Variants in RAB3GAP2 observed in about 807,000 individuals in gnomAD.
RAB3GAP2 encodes the protein RAB3 GTPase activating non-catalytic protein subunit 2, also known as rab3 GTPase-activating protein non-catalytic subunit.
In RAB3GAP2, 87 loss-of-function variants were observed where a neutral mutation model predicts 185.3. The observed-to-expected ratio is 0.47, with a 90% CI of 0.39 to 0.56. The LOEUF is 0.56. Among genes scored for constraint, RAB3GAP2 ranks in the 20% least tolerant of loss-of-function variants. The probability of loss-of-function intolerance (pLI) is 0.00; values close to 1 mark genes in which losing one functional copy is unlikely to be tolerated. For missense variants in RAB3GAP2, 1,492 were observed against 1,638.2 expected, an observed-to-expected ratio of 0.91 and a Z score of 1.54; for synonymous variants, 554 against 576.1, an observed-to-expected ratio of 0.96 and a Z score of 0.55.
intron 2 of RAB3GAP2, among the ~76,000 whole-genome samples, chr1:220,231,578 AT>A (rs532263050): frequency 4.3e-4 from 65 of 152,274 alleles, no homozygotes; most frequent in African/African-American, 1.5e-3. Flanking sequence ...CCGTGTGGCC[AT>A]GGGCCTCAGG....
chr1:220,182,370 C>T lies in RAB3GAP2; in HGVS notation c.2213-16G>A, dbSNP rs1295831221. The T allele has an allele frequency of 6.2e-7, 1 of 1,613,714 alleles. No homozygotes were observed. Among genetic ancestry groups the T allele is most frequent in the Non-Finnish European group, 8.5e-7 (1 of 1,179,822 alleles). ...AAGAAACTACCTGGTAGAAGAAAAA[C>T]AAAGCACATTAATCAATGACTACTT... On this transcript the variant is annotated splice_polypyrimidine_tract_variant and intron_variant, in intron 20 of 34. Transcript: ENST00000358951.
At chr1:220,254,822 C>G (rs1660005477) in intron 1 of RAB3GAP2, among the ~76,000 whole-genome samples, 1 of 151,418 alleles carries the variant, frequency 6.6e-6, no homozygotes, top group African/African-American at 2.4e-5. Flanking sequence ...CTTTTGAATG[C>G]TGGTGGTTCT....
chr1:220,188,559 G>A (rs1300018817), intron 17 of RAB3GAP2, among the ~76,000 whole-genome samples: 1 of 152,164 alleles, frequency 6.6e-6, no homozygotes, highest in Non-Finnish European at 1.5e-5. Flanking sequence ...ATGGAATATT[G>A]AGGCTGTGGA....
At position 220,158,223 on chromosome 1, in the gene RAB3GAP2, T is replaced by C. The variant is rs1657895491; in HGVS notation, c.3262-347A>G. 6.6e-6 allele frequency among the ~76,000 whole-genome samples: 1 copy of C among 152,170 alleles called. No homozygotes were observed. The highest frequency in any genetic ancestry group is 1.5e-5 in the Non-Finnish European group (1 of 68,036). ...GCATCTGGTAGCCAAATAATCGTGG[T>C]AGATGGAAGATACACACATGAGAAT... On this transcript the variant is annotated intron_variant, in intron 29 of 34. Transcript: ENST00000358951. The surrounding 1 kb of genome is among the most constrained non-coding windows in gnomAD (Gnocchi z 4.3).
intron 24 of RAB3GAP2, among the ~76,000 whole-genome samples, chr1:220,169,614 C>T (rs1658137831): frequency 6.6e-6 from 1 of 152,026 alleles, no homozygotes; most frequent in Admixed American, 6.6e-5. Flanking sequence ...ATCTAGGAAG[C>T]AAATGAGAAA....
chr1:220,210,999 T>G lies in RAB3GAP2; in HGVS notation c.390A>C (p.Glu130Asp), dbSNP rs1294275687. 2 of 1,613,236 alleles carry G rather than the reference T, an allele frequency of 1.2e-6. No individual in the cohort carries two copies. Among genetic ancestry groups the G allele is most frequent in the Non-Finnish European group, 1.7e-6 (2 of 1,179,810 alleles). ...GGATACATAGAGCACTGGTTACACA[T>G]TCCCTAAAAACAAAAACAAAATCAT... Reference protein sequence around the residue: ...WSGSLNVEEGECVTSALCIPL... With the variant: ...WSGSLNVEEGDCVTSALCIPL... Residue 130 changes from glutamate to aspartate, a missense_variant, in exon 5 of 35, where the codon GAA (glutamate) becomes GAC (aspartate). This residue lies in a region of RAB3GAP2 where 177 missense variants were observed against 160.6 expected (regional missense o/e 1.10). Transcript: ENST00000358951.
At chr1:220,260,062 T>C (rs1463307313) in intron 1 of RAB3GAP2, among the ~76,000 whole-genome samples, 2 of 152,210 alleles carry the variant, frequency 1.3e-5, no homozygotes, top group Non-Finnish European at 2.9e-5. Context: ...CCAGTCAGAA[T>C]GACTATTGTT....
At chr1:220,184,289 T>C (rs1658470470) in intron 18 of RAB3GAP2, 126 bp from the exon 19 acceptor site, 2 of 831,900 alleles carry the variant, frequency 2.4e-6, no homozygotes, top group South Asian at 4.3e-5. Context: ...AATACTGAGA[T>C]GCTTAAGCTA....
chr1:220,179,295 A>G (rs1658358024), intron 21 of RAB3GAP2, among the ~76,000 whole-genome samples: 1 of 151,718 alleles, frequency 6.6e-6, no homozygotes, highest in African/African-American at 2.4e-5. Flanking sequence ...TTATACAATG[A>G]AAAAAGAGTC....
intron 1 of RAB3GAP2, among the ~76,000 whole-genome samples, chr1:220,242,691 T>C (rs549552957): frequency 2.0e-5 from 3 of 152,350 alleles, no homozygotes; most frequent in African/African-American, 7.2e-5. Context: ...TTTTTGACTT[T>C]ACAAACTGTT....
chr1:220,206,131 G>A, intron 7 of RAB3GAP2, 125 bp from the exon 8 acceptor site: 1 of 639,158 alleles, frequency 1.6e-6, no homozygotes, highest in Non-Finnish European at 2.7e-6. Context: ...TCAGGCAGAA[G>A]AACAGTAAAA....
intron 4 of RAB3GAP2, chr1:220,211,425 G>A (rs1448779778): frequency 2.2e-6 from 1 of 459,972 alleles, no homozygotes; most frequent in Non-Finnish European, 4.4e-6. Context: ...TGGGCAAATG[G>A]TTGAGGAACT....
chr1:220,264,447 C>G (rs1184833038), intron 1 of RAB3GAP2, among the ~76,000 whole-genome samples: 2 of 151,926 alleles, frequency 1.3e-5, no homozygotes, highest in East Asian at 3.9e-4. Flanking sequence ...ACAAACGTGT[C>G]AGAGATAAAG....
intron 2 of RAB3GAP2, among the ~76,000 whole-genome samples, chr1:220,226,925 C>G (rs1659413342): frequency 6.6e-6 from 1 of 152,162 alleles, no homozygotes; most frequent in African/African-American, 2.4e-5. Flanking sequence ...CCAGAACTCA[C>G]TCTTTCCCTC....
chr1:220,159,154 T>C (rs999657218), intron 29 of RAB3GAP2, among the ~76,000 whole-genome samples: 2 of 152,170 alleles, frequency 1.3e-5, no homozygotes, highest in Non-Finnish European at 1.5e-5. Context: ...CTGAACAACA[T>C]CTTATAAAAA....
chr1:220,245,386 C>T (rs983027658), intron 1 of RAB3GAP2, among the ~76,000 whole-genome samples: 7 of 152,178 alleles, frequency 4.6e-5, no homozygotes, highest in East Asian at 3.9e-4. Flanking sequence ...GGTCCCTTTG[C>T]GAGTCAAAGA....
intron 21 of RAB3GAP2, 74 bp from the exon 22 acceptor site, chr1:220,172,816 A>G (rs1658204708): frequency 2.1e-6 from 2 of 943,730 alleles, no homozygotes; most frequent in Middle Eastern, 2.1e-4. Flanking sequence ...TTTCCTAGAC[A>G]GCAGATGCAT....
intron 1 of RAB3GAP2, among the ~76,000 whole-genome samples, chr1:220,239,759 T>C (rs568181279): frequency 1.3e-5 from 2 of 152,212 alleles, no homozygotes; most frequent in African/African-American, 4.8e-5. Context: ...TGGCTTGATA[T>C]GCATTAAAGG....
chr1:220,240,662 T>C (rs778710669), intron 1 of RAB3GAP2, among the ~76,000 whole-genome samples: 1 of 152,110 alleles, frequency 6.6e-6, no homozygotes, highest in Admixed American at 6.5e-5. Flanking sequence ...ACTTACATGA[T>C]ATGAAGAGAA....
Sources: allele counts gnomAD v4.1 joint callset (sites outside exome capture counted in the v4.1 genomes callset), GRCh38; gene constraint gnomAD v4.1.1; regional missense constraint gnomAD v4.1.1; non-coding constraint Gnocchi (gnomAD v3.1); transcripts MANE v1.5; gene names NCBI Gene and HGNC (gene_info 2026-07-23, HGNC 2026-07-21).